Variants in STARD13 observed in about 807,000 individuals in gnomAD.
The protein encoded by STARD13 is stAR-related lipid transfer protein 13.
Under a neutral mutation model 106.4 loss-of-function variants are expected in STARD13, and 62 were observed. That is an observed-to-expected ratio of 0.58 (90% CI 0.48 to 0.72). STARD13 has a LOEUF of 0.72. STARD13 is among the 30% of genes least tolerant of loss of function. STARD13 has a pLI of 0.00. For missense variants in STARD13, 1,387 were observed against 1,424.0 expected (o/e 0.97, Z 0.42); for synonymous variants, 565 against 553.0 (o/e 1.02, Z -0.31).
the STARD13 span, among the ~76,000 whole-genome samples, chr13:33,587,789 G>T: frequency 6.6e-6 from 1 of 152,160 alleles, no homozygotes; most frequent in African/African-American, 2.4e-5. Flanking sequence ...CACTTGAAAT[G>T]TACTAGTTTG....
At chr13:33,379,196 A>G in the STARD13 span, among the ~76,000 whole-genome samples, 2 of 152,228 alleles carry the variant, frequency 1.3e-5, no homozygotes, top group African/African-American at 4.8e-5. Context: ...CAAATGGACT[A>G]TAAAACTGGA....
Position 33,218,414 on chromosome 13 carries a change from T to C in STARD13, c.170-50792A>G, listed in dbSNP as rs189508771. The stretch of plus-strand genomic sequence containing the variant: ...GTGGTCTCCGTGCTCCTGTCCAGCC[T>C]GCCACCACTGGAACACTCTGCATGT... On this transcript the variant is annotated intron_variant, in intron 1 of 13. Coordinates refer to ENST00000336934, the MANE Select transcript of STARD13 (RefSeq NM_178006.4). 2.3e-3 allele frequency among the ~76,000 whole-genome samples: 350 copies of C among 152,310 alleles called. 1 individual carries two copies. Among genetic ancestry groups the C allele is most frequent in the African/African-American group, 7.9e-3 (327 of 41,566 alleles).
intron 4 of STARD13, among the ~76,000 whole-genome samples, chr13:33,136,015 G>A (rs1430985016): frequency 9.2e-5 from 14 of 152,062 alleles, no homozygotes; most frequent in Admixed American, 2.6e-4. Flanking sequence ...ACAGCTACTC[G>A]GGAGGCTGAG....
At chr13:33,582,290 CAG>C in the STARD13 span, among the ~76,000 whole-genome samples, 5 of 151,966 alleles carry the variant, frequency 3.3e-5, no homozygotes, top group South Asian at 6.2e-4. Context: ...TGTTAAGTGG[CAG>C]AGTTAGAATG....
At chr13:33,475,531 G>C in the STARD13 span, among the ~76,000 whole-genome samples, 1 of 152,102 alleles carries the variant, frequency 6.6e-6, no homozygotes, top group South Asian at 2.1e-4. Context: ...ATTTAAAACT[G>C]GATTGGTTTT....
the STARD13 span, among the ~76,000 whole-genome samples, chr13:33,468,570 C>T: frequency 6.9e-6 from 1 of 144,164 alleles, no homozygotes; most frequent in Non-Finnish European, 1.5e-5. Flanking sequence ...GCCATCTTTG[C>T]CCACCCCCTC....
the STARD13 span, among the ~76,000 whole-genome samples, chr13:33,481,022 C>T: frequency 0.15 from 23,415 of 151,384 alleles, 2,622 homozygotes; most frequent in African/African-American, 0.32. Context: ...TGGCTTAAAG[C>T]ATATCAAATA....
chr13:33,234,439 C>T (rs1889085927), intron 1 of STARD13, among the ~76,000 whole-genome samples: 1 of 152,212 alleles, frequency 6.6e-6, no homozygotes, highest in Non-Finnish European at 1.5e-5. Context: ...CATGGGCTCT[C>T]TCAAATGCTT....
chr13:33,456,398 C>T, the STARD13 span, among the ~76,000 whole-genome samples: 2 of 152,140 alleles, frequency 1.3e-5, no homozygotes, highest in South Asian at 2.1e-4. Flanking sequence ...CCATGTTGGC[C>T]AGGCTGGTCT....
chr13:33,176,257 A>G (rs1013229), intron 1 of STARD13, among the ~76,000 whole-genome samples: 36,596 of 152,164 alleles, frequency 0.24, 6,553 homozygotes, highest in African/African-American at 0.5. Flanking sequence ...TTGATATTGT[A>G]TGTATTTTCT....
At chr13:33,309,044 C>A (rs914242998) in intron 1 of STARD13, among the ~76,000 whole-genome samples, 1 of 152,244 alleles carries the variant, frequency 6.6e-6, no homozygotes, top group African/African-American at 2.4e-5. Context: ...GATTCTCTAA[C>A]AAGCACAACT....
chr13:33,352,392 G>A (rs1041273057), upstream of STARD13, among the ~76,000 whole-genome samples: 4 of 152,162 alleles, frequency 2.6e-5, no homozygotes, highest in South Asian at 2.1e-4. Context: ...TCAAACAGAC[G>A]CAATAGTTTT....
At chr13:33,420,440 C>A in the STARD13 span, among the ~76,000 whole-genome samples, 1 of 152,188 alleles carries the variant, frequency 6.6e-6, no homozygotes, top group African/African-American at 2.4e-5. Flanking sequence ...ACAGGAGCAC[C>A]TGGATTTATA....
chr13:33,250,903 G>C (rs908925178), intron 1 of STARD13, among the ~76,000 whole-genome samples: 2 of 152,190 alleles, frequency 1.3e-5, no homozygotes, highest in Non-Finnish European at 2.9e-5. Flanking sequence ...TTCATTACTG[G>C]ATCCTGGCAT....
chr13:33,402,869 A>G, the STARD13 span, among the ~76,000 whole-genome samples: 1 of 152,170 alleles, frequency 6.6e-6, no homozygotes, highest in Admixed American at 6.5e-5. Flanking sequence ...CCGGCTCCCC[A>G]TTCATCCCAC....
the STARD13 span, among the ~76,000 whole-genome samples, chr13:33,465,695 A>C: frequency 6.6e-6 from 1 of 152,158 alleles, no homozygotes; most frequent in Admixed American, 6.5e-5. Flanking sequence ...GCTTACCTAG[A>C]AAAATGACAT....
chr13:33,630,588 A>G, the STARD13 span, among the ~76,000 whole-genome samples: 6 of 152,340 alleles, frequency 3.9e-5, no homozygotes, highest in African/African-American at 1.4e-4. Flanking sequence ...AGTGACCTAT[A>G]GCCACTTTGA....
intron 1 of STARD13, chr13:33,281,462 G>A (rs1411110758): frequency 6.6e-6 from 1 of 151,046 alleles, no homozygotes; most frequent in Non-Finnish European, 1.5e-5. Context: ...TAAACATGGT[G>A]CATCCATCAT....
At chr13:33,455,030 A>G in the STARD13 span, among the ~76,000 whole-genome samples, 2 of 152,248 alleles carry the variant, frequency 1.3e-5, no homozygotes, top group Non-Finnish European at 2.9e-5. Context: ...GTTCAAAGAT[A>G]TGTAAGTAAA....
Sources: gnomAD v4.1 joint callset for allele counts (sites outside exome capture counted in the v4.1 genomes callset) on GRCh38, gnomAD v4.1.1 for gene constraint, MANE v1.5 for transcripts, NCBI Gene and HGNC (gene_info 2026-07-23, HGNC 2026-07-21) for gene names.